FAM200B: variants seen among roughly 807,000 people sequenced by gnomAD.
FAM200B encodes the protein zinc finger BED-type containing 11.
A neutral mutation model predicts 33.1 loss-of-function variants in FAM200B; 32 were observed. The ratio of observed to expected loss-of-function variants is 0.97; its 90% CI spans 0.73 to 1.30. The LOEUF (loss-of-function observed/expected upper bound fraction) is 1.30, where lower values mean the gene tolerates loss of function less well. Ranked by LOEUF, FAM200B falls within the 50% of genes most tolerant of loss-of-function variation. The pLI, the probability that FAM200B is intolerant of heterozygous loss-of-function variation, is 0.00. For missense variants in FAM200B, 741 were observed against 754.0 expected (o/e 0.98, Z 0.20); for synonymous variants, 240 against 264.8 (o/e 0.91, Z 0.91).
chr4:15,669,798 A>C, the FAM200B span, among the ~76,000 whole-genome samples: 4,975 of 152,280 alleles, frequency 0.033, 113 homozygotes, highest in South Asian at 0.093. Context: ...GACAATATCT[A>C]AGTAATAATA....
chr4:15,681,516 C>A, upstream of FAM200B: 1 of 159,328 alleles, frequency 6.3e-6, no homozygotes. Context: ...ACATCCGGCC[C>A]GCCCACCAGC....
the FAM200B span, among the ~76,000 whole-genome samples, chr4:15,654,282 C>G: frequency 2.0e-5 from 3 of 152,210 alleles, no homozygotes; most frequent in African/African-American, 7.2e-5. Context: ...AGAAACGGGA[C>G]TGCCTGAGGT....
upstream of FAM200B, among the ~76,000 whole-genome samples, chr4:15,680,761 G>C (rs1718213890): frequency 6.6e-6 from 1 of 151,870 alleles, no homozygotes; most frequent in African/African-American, 2.4e-5. Context: ...AGTAGCTTGA[G>C]AAAGAGAAAT....
chr4:15,685,634 C>T (rs766677517), intron 1 of FAM200B, among the ~76,000 whole-genome samples: 2 of 151,804 alleles, frequency 1.3e-5, no homozygotes, highest in Non-Finnish European at 2.9e-5. Flanking sequence ...CAAGGACCCA[C>T]CTAGATACCA....
chr4:15,650,987 G>A, the FAM200B span, among the ~76,000 whole-genome samples: 1 of 152,084 alleles, frequency 6.6e-6, no homozygotes, highest in Non-Finnish European at 1.5e-5. Context: ...TTACAGCCTG[G>A]TTTCAAACTG....
chr4:15,643,419 TATGTAA>T, the FAM200B span, among the ~76,000 whole-genome samples: 1 of 152,222 alleles, frequency 6.6e-6, no homozygotes, highest in Non-Finnish European at 1.5e-5. Flanking sequence ...AATCCTATAA[TATGTAA>T]ATGTAATTAA....
chr4:15,644,734 T>C, the FAM200B span: 1 of 1,540,376 alleles, frequency 6.5e-7, no homozygotes, highest in Non-Finnish European at 8.9e-7. Flanking sequence ...AAAAGAAAAG[T>C]GTAATAAATA....
upstream of FAM200B, among the ~76,000 whole-genome samples, chr4:15,679,532 G>C (rs963042092): frequency 1.9e-4 from 26 of 137,530 alleles, no homozygotes; most frequent in African/African-American, 7.1e-4. Context: ...AATCTATCTA[G>C]AGAAATATGC....
chr4:15,654,892 C>A, the FAM200B span, among the ~76,000 whole-genome samples: 1 of 152,106 alleles, frequency 6.6e-6, no homozygotes, highest in East Asian at 1.9e-4. Flanking sequence ...GGAGTCCCAG[C>A]GCGGCGGTGG....
rs1156358108 is a variant in FAM200B at position 15,688,434 on chromosome 4, G to A, written c.1457G>A (p.Arg486Lys). ...CGTCCTAGCTATTACATGTTTCCAA[G>A]ATTTTTGCAGCATATTGAAGAGAAT... The part of the protein sequence containing the change: ...SNRPSYYMFP[R>K]FLQHIEENII... Residue 486 changes from arginine to lysine, a missense_variant, in exon 2 of 2, where the codon AGA becomes AAA. Coordinates refer to ENST00000422728, the MANE Select transcript of FAM200B (RefSeq NM_001145191.2). 1.3e-6 allele frequency: 2 copies of A among 1,544,928 alleles called. No homozygotes were observed. The highest frequency in any genetic ancestry group is 1.8e-6 in the Non-Finnish European group (2 of 1,142,478).
Position 15,689,219 on chromosome 4 carries a change from G to C in FAM200B, c.*268G>C, listed in dbSNP as rs1719185888. 3.4e-6 allele frequency: 1 copy of C among 295,184 alleles called. No homozygotes were observed. The highest frequency in any genetic ancestry group is 2.2e-5 in the African/African-American group (1 of 45,842). 18.3% of individuals were successfully genotyped at this position (295,184 alleles called of 1,614,324 possible). On this transcript the variant is annotated 3_prime_UTR_variant, in exon 2 of 2. Coordinates refer to ENST00000422728, the MANE Select transcript of FAM200B (RefSeq NM_001145191.2). ...GTTTATATCCTGGCAAGGAGAAATT[G>C]ACAATAAACCTAATAAATAAGGTTT...
Position 15,689,484 on chromosome 4 carries a change from T to G in FAM200B, c.*533T>G, listed in dbSNP as rs1462719875. 1 of 167,042 alleles carries G rather than the reference T, an allele frequency of 6.0e-6. No homozygotes were observed. Among genetic ancestry groups the G allele is most frequent in the Non-Finnish European group, 1.5e-5 (1 of 68,136 alleles). 10.3% of individuals were successfully genotyped at this position (167,042 alleles called of 1,614,324 possible). On this transcript the variant is annotated 3_prime_UTR_variant, in exon 2 of 2. Transcript: ENST00000422728. ...AGGGTAAGTCTGAATTAAATGTTACTTTCCCCTCACTGGGCATGGTGGCTC... is the reference window on the plus strand; with the variant it reads ...AGGGTAAGTCTGAATTAAATGTTACGTTCCCCTCACTGGGCATGGTGGCTC...
upstream of FAM200B, among the ~76,000 whole-genome samples, chr4:15,679,688 C>T (rs1395226758): frequency 6.6e-6 from 1 of 151,660 alleles, no homozygotes; most frequent in East Asian, 1.9e-4. Flanking sequence ...ATCATTCTAA[C>T]TCATATTCCC....
At chr4:15,644,128 T>C in the FAM200B span, among the ~76,000 whole-genome samples, 2 of 152,232 alleles carry the variant, frequency 1.3e-5, no homozygotes, top group Non-Finnish European at 2.9e-5. Flanking sequence ...ATCAAACTAC[T>C]GATCCTTCAA....
the FAM200B span, among the ~76,000 whole-genome samples, chr4:15,658,064 T>G: frequency 4.1e-4 from 63 of 152,334 alleles, no homozygotes; most frequent in African/African-American, 1.4e-3. Context: ...ATATAACTTA[T>G]TCTGTTATCA....
the FAM200B span, among the ~76,000 whole-genome samples, chr4:15,637,313 T>C: frequency 3.9e-5 from 6 of 152,210 alleles, no homozygotes; most frequent in East Asian, 1.9e-4. Flanking sequence ...TCAGCAACTA[T>C]TGCAGGAAGT....
the FAM200B span, chr4:15,659,687 A>G: frequency 9.2e-6 from 9 of 977,164 alleles, no homozygotes; most frequent in Non-Finnish European, 1.1e-5. Flanking sequence ...CAGACAGAGA[A>G]GAGCCTTCCA....
rs931185823 is a variant in FAM200B at position 15,687,430 on chromosome 4, T to C, written c.453T>C (p.Tyr151=). The part of the protein sequence containing the change: ...AVSEKALLSS[Y]LVAYRVAKEK... ...GTGAGAAAGCCTTATTATCATCATA[T>C]TTAGTTGCATATCGTGTGGCAAAAG... Residue 151 remains tyrosine, a synonymous_variant, in exon 2 of 2, where the codon TAT becomes TAC. Coordinates refer to ENST00000422728, the MANE Select transcript of FAM200B (RefSeq NM_001145191.2). The C allele has an allele frequency of 7.7e-6, 12 of 1,550,584 alleles. No individual in the cohort carries two copies. The African/African-American group carries it at 1.2e-4, about 16-fold the overall frequency.
the FAM200B span, among the ~76,000 whole-genome samples, chr4:15,637,490 A>T: frequency 1.3e-5 from 2 of 152,248 alleles, no homozygotes; most frequent in Admixed American, 6.5e-5. Flanking sequence ...ACTTAAATAT[A>T]GAAATGCTAT....
Sources: gnomAD v4.1 joint callset for allele counts (sites outside exome capture counted in the v4.1 genomes callset) on GRCh38, gnomAD v4.1.1 for gene constraint, MANE v1.5 for transcripts, NCBI Gene and HGNC (gene_info 2026-07-23, HGNC 2026-07-21) for gene names.